Variants in TCF4 observed in about 807,000 individuals in gnomAD.
TCF4 encodes the protein SL3-3 enhancer factor 2.
Under a neutral mutation model 82.1 loss-of-function variants are expected in TCF4, and 3 were observed. The ratio of observed to expected loss-of-function variants is 0.04; its 90% CI spans 0.02 to 0.09. The LOEUF (loss-of-function observed/expected upper bound fraction) is 0.09, where lower values mean the gene tolerates loss of function less well. Among genes scored for constraint, TCF4 ranks in the 10% least tolerant of loss-of-function variants. The pLI is 1.00. For missense variants in TCF4, 518 were observed against 852.7 expected, an observed-to-expected ratio of 0.61 and a Z score of 4.89; for synonymous variants, 276 against 309.6, an observed-to-expected ratio of 0.89 and a Z score of 1.14.
chr18:55,490,390 T>C (rs2096563501), intron 3 of TCF4, among the ~76,000 whole-genome samples: 1 of 152,172 alleles, frequency 6.6e-6, no homozygotes, highest in Admixed American at 6.5e-5. Context: ...ATTAACTATA[T>C]GGCAGGAGTA....
At chr18:55,403,409 C>G (rs1245949125) in intron 6 of TCF4, 45 bp downstream of exon 6, 2 of 1,601,512 alleles carry the variant, frequency 1.2e-6, no homozygotes, top group East Asian at 2.2e-5. Context: ...ACTGATTTAC[C>G]AGGTTAATCC....
chr18:55,437,960 G>A (rs1277654993), intron 5 of TCF4, among the ~76,000 whole-genome samples: 3 of 152,260 alleles, frequency 2.0e-5, no homozygotes, highest in Non-Finnish European at 2.9e-5. Flanking sequence ...CAGCACTTTC[G>A]GAGGCCAAGG....
intron 3 of TCF4, among the ~76,000 whole-genome samples, chr18:55,467,452 G>A (rs1379994608): frequency 6.6e-6 from 1 of 152,112 alleles, no homozygotes. Context: ...TGGGGGTGGG[G>A]CTGAGAAAAC....
chr18:55,559,999 T>C (rs1442958946), intron 3 of TCF4, among the ~76,000 whole-genome samples: 2 of 152,162 alleles, frequency 1.3e-5, no homozygotes, highest in African/African-American at 4.8e-5. Context: ...GGCCTTGCCA[T>C]TGTCTCTTAA....
chr18:55,617,811 CTGTGTGTGTGTGTG>C (rs74182107), intron 2 of TCF4, among the ~76,000 whole-genome samples: 5 of 140,610 alleles, frequency 3.6e-5, no homozygotes, highest in Non-Finnish European at 7.7e-5. Context: ...TTAATTCTAA[CTGTGTGTGTGTGTG>C]TGTGTGTGTG....
intron 6 of TCF4, among the ~76,000 whole-genome samples, chr18:55,359,204 C>T (rs2084410429): frequency 6.6e-6 from 1 of 152,194 alleles, no homozygotes; most frequent in Non-Finnish European, 1.5e-5. Flanking sequence ...CTGCTCTCCA[C>T]AGCTGCCTGC....
At chr18:55,357,719 C>T (rs547262931) in intron 6 of TCF4, among the ~76,000 whole-genome samples, 3 of 152,206 alleles carry the variant, frequency 2.0e-5, no homozygotes, top group African/African-American at 4.8e-5. Flanking sequence ...CTCTGAGCAA[C>T]GATATATGAC....
At chr18:55,331,894 G>C (rs2077638736) in intron 8 of TCF4, among the ~76,000 whole-genome samples, 1 of 152,146 alleles carries the variant, frequency 6.6e-6, no homozygotes, top group South Asian at 2.1e-4. Context: ...ACAGAAGAAG[G>C]GGGCGTGAGG....
chr18:55,466,251 G>A (rs768815851), intron 3 of TCF4, among the ~76,000 whole-genome samples: 3 of 152,160 alleles, frequency 2.0e-5, no homozygotes, highest in South Asian at 2.1e-4. Context: ...ATACCAGCAC[G>A]TTGGGAGGCT....
intron 3 of TCF4, among the ~76,000 whole-genome samples, chr18:55,494,278 A>T (rs1234717781): frequency 6.6e-6 from 1 of 151,242 alleles, no homozygotes; most frequent in Non-Finnish European, 1.5e-5. Context: ...CACAAACTGT[A>T]CATATATTCT....
At chr18:55,474,560 G>T (rs75903695) in intron 3 of TCF4, among the ~76,000 whole-genome samples, 2,816 of 152,064 alleles carry the variant, frequency 0.019, 87 homozygotes, top group African/African-American at 0.065. Flanking sequence ...TTTCTAAAAG[G>T]ATAATTTATA....
intron 15 of TCF4, among the ~76,000 whole-genome samples, chr18:55,251,868 T>C (rs1023237256): frequency 5.3e-5 from 8 of 151,246 alleles, no homozygotes; most frequent in Admixed American, 3.3e-4. Context: ...AAAATTCAAA[T>C]GTGGAAAACA....
chr18:55,344,413 A>G (rs2144552019), intron 8 of TCF4, among the ~76,000 whole-genome samples: 1 of 152,282 alleles, frequency 6.6e-6, no homozygotes, highest in Middle Eastern at 3.4e-3. Context: ...AAGCCCTGTT[A>G]TAATTCTCTC....
At chr18:55,608,875 A>G (rs1306915423) in intron 2 of TCF4, among the ~76,000 whole-genome samples, 2 of 152,142 alleles carry the variant, frequency 1.3e-5, no homozygotes, top group Non-Finnish European at 2.9e-5. Context: ...GGTACTTTGG[A>G]CTAAATGCTT....
intron 8 of TCF4, among the ~76,000 whole-genome samples, chr18:55,304,432 A>G (rs911269078): frequency 6.6e-6 from 1 of 152,248 alleles, no homozygotes; most frequent in African/African-American, 2.4e-5. Flanking sequence ...AATTATAAAT[A>G]CAGTTTTGCT....
intron 6 of TCF4, among the ~76,000 whole-genome samples, chr18:55,392,929 T>G (rs1240753590): frequency 6.6e-6 from 1 of 152,244 alleles, no homozygotes; most frequent in African/African-American, 2.4e-5. Flanking sequence ...TTAACTCACA[T>G]GAAGACCTAT....
chr18:55,554,290 A>C (rs2097285135), intron 3 of TCF4, among the ~76,000 whole-genome samples: 1 of 152,070 alleles, frequency 6.6e-6, no homozygotes, highest in Non-Finnish European at 1.5e-5. Context: ...GGAGGGGAGA[A>C]AATAGAGCAT....
At chr18:55,586,267 TTGTG>T (rs940822647) in intron 2 of TCF4, 1 of 893,238 alleles carries the variant, frequency 1.1e-6, no homozygotes, top group Non-Finnish European at 1.7e-6. Flanking sequence ...TGGATTTTAT[TTGTG>T]TGTTTTGTGG....
intron 15 of TCF4, among the ~76,000 whole-genome samples, chr18:55,253,549 A>C (rs547308695): frequency 1.6e-4 from 25 of 152,274 alleles, no homozygotes; most frequent in South Asian, 1.0e-3. Flanking sequence ...ATCATCCTCA[A>C]AAAGAATTAT....
Sources: allele counts gnomAD v4.1 joint callset (sites outside exome capture counted in the v4.1 genomes callset), GRCh38; gene constraint gnomAD v4.1.1; transcripts MANE v1.5; gene names NCBI Gene and HGNC (gene_info 2026-07-23, HGNC 2026-07-21).